STK3: variants seen among roughly 807,000 people sequenced by gnomAD.
The protein encoded by STK3 is serine/threonine-protein kinase 3.
Under a neutral mutation model 58.0 loss-of-function variants are expected in STK3, and 41 were observed. The observed-to-expected ratio is 0.71, with a 90% CI of 0.55 to 0.92. The LOEUF (loss-of-function observed/expected upper bound fraction) is 0.92. STK3 is among the 40% of genes least tolerant of loss of function. The pLI is 0.00. For synonymous variants in STK3, 170 were observed against 191.0 expected (o/e 0.89, Z 0.91); for missense variants, 479 against 602.7 (o/e 0.79, Z 2.15).
At chr8:98,519,038 C>T (rs1374452546) in intron 10 of STK3, among the ~76,000 whole-genome samples, 1 of 152,034 alleles carries the variant, frequency 6.6e-6, no homozygotes, top group Non-Finnish European at 1.5e-5. Context: ...AATACTCTTG[C>T]AAACATCTGG....
chr8:98,902,981 C>T (rs1838716235), intron 1 of STK3, among the ~76,000 whole-genome samples: 1 of 152,194 alleles, frequency 6.6e-6, no homozygotes, highest in African/African-American at 2.4e-5. Context: ...TCACCACTGT[C>T]CTGCCTTTCA....
At chr8:98,937,373 G>T (rs1840235062) in intron 1 of STK3, among the ~76,000 whole-genome samples, 1 of 152,230 alleles carries the variant, frequency 6.6e-6, no homozygotes, top group Non-Finnish European at 1.5e-5. Context: ...AAAGCCAGAA[G>T]TTAAGCCTGT....
intron 3 of STK3, among the ~76,000 whole-genome samples, chr8:98,833,282 A>C (rs1835608578): frequency 6.6e-6 from 1 of 152,164 alleles, no homozygotes; most frequent in African/African-American, 2.4e-5. Context: ...TGAAAGAGTT[A>C]AGTTTTGCCT....
At chr8:98,766,185 G>A (rs779090963) in intron 3 of STK3, among the ~76,000 whole-genome samples, 2 of 152,152 alleles carry the variant, frequency 1.3e-5, no homozygotes, top group African/African-American at 4.8e-5. Flanking sequence ...TCACTACAAT[G>A]AGTGTGCTAT....
At chr8:98,672,798 T>C (rs893564629) in intron 6 of STK3, among the ~76,000 whole-genome samples, 4 of 152,198 alleles carry the variant, frequency 2.6e-5, no homozygotes, top group Admixed American at 6.5e-5. Context: ...ACCAGAATTC[T>C]GGAAAACTGC....
intron 4 of STK3, among the ~76,000 whole-genome samples, chr8:98,738,521 G>C (rs1025612841): frequency 3.3e-5 from 5 of 151,984 alleles, no homozygotes; most frequent in Non-Finnish European, 7.4e-5. Context: ...ACTTATAAGA[G>C]AGATCAAGGA....
chr8:98,525,788 T>C (rs574450872), intron 10 of STK3, among the ~76,000 whole-genome samples: 43 of 152,112 alleles, frequency 2.8e-4, no homozygotes, highest in African/African-American at 9.9e-4. Context: ...AATCACAATA[T>C]TGAGGAAAAA....
rs1235988192 is a variant in STK3, at chr8:98,428,649, G to T, written n.483+5478C>A. On this transcript the variant is annotated intron_variant and non_coding_transcript_variant, in intron 3 of 3. Coordinates refer to the STK3 transcript ENST00000517832. This position sits in a 1 kb window ranked among gnomAD's most constrained non-coding sequence, Gnocchi z 6.7. ...TGACAGCCAGGGCAACCCTGGCGAG[G>T]ACCCTAGGTTCGAAATCGTGGAGCA... 8.1e-6 allele frequency: 13 copies of T among 1,614,106 alleles called. No individual in the cohort carries two copies. Among genetic ancestry groups the T allele is most frequent in the Non-Finnish European group, 1.1e-5 (13 of 1,180,056 alleles).
chr8:98,618,160 T>C (rs1284912968), intron 6 of STK3, among the ~76,000 whole-genome samples: 4 of 151,778 alleles, frequency 2.6e-5, no homozygotes, highest in Non-Finnish European at 5.9e-5. Context: ...TGGTTCAATA[T>C]ACAGAAATCA....
chr8:98,474,746 T>A (rs7007360), intron 10 of STK3, among the ~76,000 whole-genome samples: 1 of 151,940 alleles, frequency 6.6e-6, no homozygotes, highest in Non-Finnish European at 1.5e-5. Flanking sequence ...CCTGTAAGCA[T>A]ACTGAGTTAC....
At chr8:98,722,112 C>G (rs1467683261) in intron 4 of STK3, among the ~76,000 whole-genome samples, 2 of 152,034 alleles carry the variant, frequency 1.3e-5, no homozygotes, top group African/African-American at 4.8e-5. Context: ...AAAAGTAGCT[C>G]ACTATCCAGA....
At position 98,901,543 on chromosome 8, in the gene STK3, C is replaced by A. The variant is rs116017181; in HGVS notation, c.-78-17709G>T. On this transcript the variant is annotated intron_variant, in intron 1 of 1. Coordinates refer to the STK3 transcript ENST00000519420. ...ACACCACACCTGCCTTAGACCTTTT[C>A]TTGCAACTCTTGCAACTGCAGGAGC... is the stretch of plus-strand genomic sequence containing the variant. 3.7e-3 allele frequency among the ~76,000 whole-genome samples: 565 copies of A among 152,360 alleles called. 2 individuals carry two copies. Among genetic ancestry groups the A allele is most frequent in the African/African-American group, 0.013 (527 of 41,594 alleles).
intron 8 of STK3, among the ~76,000 whole-genome samples, chr8:98,557,698 C>T (rs1266289833): frequency 6.6e-6 from 1 of 152,102 alleles, no homozygotes; most frequent in Non-Finnish European, 1.5e-5. Flanking sequence ...TAATTGTCTT[C>T]TCACTGCTGT....
intron 3 of STK3, chr8:98,429,331 A>C: frequency 1.2e-6 from 2 of 1,614,150 alleles, no homozygotes; most frequent in Non-Finnish European, 1.7e-6. Flanking sequence ...TATGCCCATA[A>C]AGTTAAATCC....
At chr8:98,550,819 G>A (rs927057548) in intron 8 of STK3, among the ~76,000 whole-genome samples, 2 of 152,142 alleles carry the variant, frequency 1.3e-5, no homozygotes, top group African/African-American at 4.8e-5. Context: ...TAAGCAAAAT[G>A]CCTGCATGCT....
At position 98,744,698 on chromosome 8, in the gene STK3, A is replaced by G. The variant is rs181484739; in HGVS notation, c.351+4578T>C. 8.5e-3 allele frequency among the ~76,000 whole-genome samples: 1,296 copies of G among 151,982 alleles called. 9 individuals carry two copies. Among genetic ancestry groups the G allele is most frequent in the African/African-American group, 0.029 (1,220 of 41,464 alleles). On this transcript the variant is annotated intron_variant, in intron 4 of 10. Coordinates refer to ENST00000419617, the MANE Select transcript of STK3 (RefSeq NM_006281.4). ...GTATACATATGTAACTAACCTGCAC[A>G]TTGTGCACATGTACCCTAAAACTTA...
chr8:98,591,145 C>T (rs1053710106), intron 7 of STK3, among the ~76,000 whole-genome samples: 1 of 152,056 alleles, frequency 6.6e-6, no homozygotes, highest in Non-Finnish European at 1.5e-5. Context: ...TGATATTTTC[C>T]CAGGCTAGTA....
intron 6 of STK3, among the ~76,000 whole-genome samples, chr8:98,614,827 G>A (rs1195238841): frequency 2.0e-5 from 3 of 152,136 alleles, no homozygotes; most frequent in Non-Finnish European, 2.9e-5. Flanking sequence ...GAATCTCGCT[G>A]ATTGCTAGCA....
Position 98,673,765 on chromosome 8 carries a change from C to T in STK3, c.684+32702G>A, listed in dbSNP as rs142159974. On this transcript the variant is annotated intron_variant, in intron 6 of 10. Transcript: ENST00000419617. ...ATTATATGTTATATGAAATTCATCT[C>T]AATAATTTCAAATTTTAAAAAAAGA... Among the ~76,000 whole-genome samples, 11 of 151,964 alleles carry T rather than the reference C, an allele frequency of 7.2e-5. No individual in the cohort carries two copies. In the East Asian group the frequency reaches 2.1e-3, roughly 29 times the overall value.
Sources: gnomAD v4.1 joint callset for allele counts (sites outside exome capture counted in the v4.1 genomes callset) on GRCh38, gnomAD v4.1.1 for gene constraint, Gnocchi (gnomAD v3.1) non-coding constraint, MANE v1.5 for transcripts, NCBI Gene and HGNC (gene_info 2026-07-23, HGNC 2026-07-21) for gene names.